The following FADS3 variants were observed in gnomAD, a reference collection of about 807,000 sequenced individuals.
FADS3 encodes fatty acid desaturase 3.
Under a neutral mutation model 60.4 loss-of-function variants are expected in FADS3, and 30 were observed. The ratio of observed to expected loss-of-function variants is 0.50; its 90% CI spans 0.37 to 0.67. The LOEUF (loss-of-function observed/expected upper bound fraction) is 0.67, where lower values mean the gene tolerates loss of function less well. Ranked by LOEUF, FADS3 falls within the 30% of genes least tolerant of loss-of-function variation. The probability of loss-of-function intolerance (pLI) is 0.00; values close to 1 mark genes in which losing one functional copy is unlikely to be tolerated. For synonymous variants in FADS3, 234 were observed against 249.3 expected (o/e 0.94, Z 0.58); for missense variants, 432 against 598.3 (o/e 0.72, Z 2.90).
Position 61,877,283 on chromosome 11 carries a change from CACCCCCCCTGTTCCTCAA to C in FADS3, c.885+210_885+227del. 1 of 357,860 alleles carries C rather than the reference CACCCCCCCTGTTCCTCAA, an allele frequency of 2.8e-6. No individual in the cohort carries two copies. The highest frequency in any genetic ancestry group is 5.0e-6 in the Non-Finnish European group (1 of 199,324). The allele number at this position is 357,860 out of a possible 1,614,324, so 22.2% of individuals were successfully genotyped here. A position where few individuals can be genotyped will look rare whatever the true frequency, so the allele number is the denominator to read the frequency against. Reference sequence around the variant, plus strand: ...AGACACCCTCACCGAGAGAGACCCACACCCCCCCTGTTCCTCAACCCCCCCCCACCACACGTACAGTCA... The same window carrying C: ...AGACACCCTCACCGAGAGAGACCCACCCCCCCCCCACCACACGTACAGTCA... On this transcript the variant is annotated intron_variant, in intron 7 of 11. Coordinates refer to ENST00000278829, the MANE Select transcript of FADS3 (RefSeq NM_021727.5). This position sits in a 1 kb window ranked among gnomAD's most constrained non-coding sequence, Gnocchi z 4.7.
chr11:61,877,729 C>A lies in FADS3; in HGVS notation c.809-142G>T, dbSNP rs534922976. 5 of 734,240 alleles carry A rather than the reference C, an allele frequency of 6.8e-6. No homozygotes were observed. The highest frequency in any genetic ancestry group is 2.7e-5 in the East Asian group (1 of 36,878). 45.5% of individuals were successfully genotyped at this position (734,240 alleles called of 1,614,324 possible). A position where few individuals can be genotyped will look rare whatever the true frequency, so the allele number is the denominator to read the frequency against. On this transcript the variant is annotated intron_variant, in intron 6 of 11. Coordinates refer to ENST00000278829, the MANE Select transcript of FADS3 (RefSeq NM_021727.5). This position sits in a 1 kb window ranked among gnomAD's most constrained non-coding sequence, Gnocchi z 4.7. ...CATCCAGCTGAATGACCCCATATCA[C>A]CCCCAATTCTGTGTCCAAGCCTCCC...
intron 5 of FADS3, 83 bp from the exon 6 acceptor site, chr11:61,878,298 C>G: frequency 6.7e-7 from 1 of 1,497,428 alleles, no homozygotes; most frequent in South Asian, 1.1e-5. Flanking sequence ...CTGGCTGGGG[C>G]CAAGGGTCAA....
At position 61,879,443 on chromosome 11, in the gene FADS3, T is replaced by A; in HGVS notation, c.391A>T (p.Ser131Cys). 6.2e-7 allele frequency: 1 copy of A among 1,606,908 alleles called. No individual in the cohort carries two copies. Among genetic ancestry groups the A allele is most frequent in the Non-Finnish European group, 8.5e-7 (1 of 1,177,446 alleles). The change falls in exon 3 of 12, where the codon AGT becomes TGT. Residue 131 changes from serine (S) to cysteine (C), a missense_variant. Physicochemically the swap from Ser to Cys is moderately radical, Grantham distance 112 (BLOSUM62 -1). Coordinates refer to ENST00000278829, the MANE Select transcript of FADS3 (RefSeq NM_021727.5). Reference protein sequence around the residue: ...AAEDMKLFDASPTFFAFLLGH... With the variant: ...AAEDMKLFDACPTFFAFLLGH... The stretch of plus-strand genomic sequence containing the variant: ...AGTAGGAAAGCAAAGAAGGTGGGAC[T>A]GGCATCAAACAGCTTCATGTCCTCG...
At position 61,891,248 on chromosome 11, in the gene FADS3, A is replaced by G; in HGVS notation, c.134T>C (p.Val45Ala). Residue 45 changes from valine (V) to alanine (A), a missense_variant, in exon 1 of 12, where the codon GTC (valine) becomes GCC (alanine). Coordinates refer to ENST00000278829, the MANE Select transcript of FADS3 (RefSeq NM_021727.5). The stretch of plus-strand genomic sequence containing the variant: ...CTGTGCCCAGCGGCTGATGTCGTAG[A>G]CGCGGCGCTCGATGACCAGCCACTT... ...GDKWLVIERR[V>A]YDISRWAQRH... 6.5e-7 allele frequency: 1 copy of G among 1,545,934 alleles called. No individual in the cohort carries two copies. Among genetic ancestry groups the G allele is most frequent in the Non-Finnish European group, 8.7e-7 (1 of 1,147,860 alleles).
At chr11:61,888,959 G>A (rs745783608) in intron 1 of FADS3, among the ~76,000 whole-genome samples, 16 of 152,172 alleles carry the variant, frequency 1.1e-4, no homozygotes, top group Non-Finnish European at 1.8e-4. Context: ...GCAATGGCGC[G>A]ATCTCGGCTC....
At chr11:61,882,323 CAGCTG>C (rs1938165727) in intron 1 of FADS3, 1 of 151,950 alleles carries the variant, frequency 6.6e-6, no homozygotes, top group African/African-American at 2.4e-5. Context: ...CCATGTTGCC[CAGCTG>C]GTCTTAAACT....
intron 3 of FADS3, 130 bp downstream of exon 3, chr11:61,879,182 T>C: frequency 1.2e-6 from 1 of 844,566 alleles, no homozygotes; most frequent in Non-Finnish European, 1.9e-6. Flanking sequence ...CTCATTCATC[T>C]GTTTATTCAT....
intron 11 of FADS3, among the ~76,000 whole-genome samples, chr11:61,875,421 C>A (rs1244600348): frequency 1.5e-5 from 2 of 136,150 alleles, no homozygotes; most frequent in Non-Finnish European, 3.1e-5. Flanking sequence ...TTAGTAGAGA[C>A]GGGGTTTCAC....
At chr11:61,887,470 C>T (rs1938355880) in intron 1 of FADS3, among the ~76,000 whole-genome samples, 2 of 152,210 alleles carry the variant, frequency 1.3e-5, no homozygotes, top group Non-Finnish European at 1.5e-5. Context: ...GCTGTGCTCT[C>T]TGGGGCTCCC....
chr11:61,875,393 T>G (rs1315900379), intron 11 of FADS3, among the ~76,000 whole-genome samples: 9,427 of 143,328 alleles, frequency 0.066, 1,284 homozygotes, highest in African/African-American at 0.23. Flanking sequence ...TTTTTTTTTT[T>G]TTTTTTTTTT....
rs114568380 is a variant in FADS3, at chr11:61,877,172, C to T, written c.886-209G>A. The T allele has an allele frequency of 2.5e-3, 1,410 of 557,050 alleles. 13 individuals carry two copies. The highest frequency in any genetic ancestry group is 0.022 in the African/African-American group (1,175 of 53,010). The allele number at this position is 557,050 out of a possible 1,614,324, so 34.5% of individuals were successfully genotyped here. On this transcript the variant is annotated intron_variant, in intron 7 of 11. Transcript: ENST00000278829. The surrounding 1 kb of genome is among the most constrained non-coding windows in gnomAD (Gnocchi z 4.7). ...CAGCTCACGAGGCTGATTTTAGTGA[C>T]GAAGGTGTCATGCAGGGTGTGTTGG...
chr11:61,879,897 G>A lies in FADS3; in HGVS notation c.324+144C>T, dbSNP rs1444607215. 10 of 639,090 alleles carry A rather than the reference G, an allele frequency of 1.6e-5. No homozygotes were observed. In the Admixed American group the frequency reaches 2.1e-4, roughly 13 times the overall value. The allele number at this position is 639,090 out of a possible 1,614,324, so 39.6% of individuals were successfully genotyped here. On this transcript the variant is annotated intron_variant, in intron 2 of 11. Coordinates refer to ENST00000278829, the MANE Select transcript of FADS3 (RefSeq NM_021727.5). ...TCACTTTCAACTGCCTGCCCCCTGG[G>A]AGGGGAGGGCAGGCTCAGCCCTGGC...
Position 61,875,895 on chromosome 11 carries a change from G to C in FADS3, c.1242C>G (p.Ser414Arg). The C allele has an allele frequency of 1.2e-6, 2 of 1,613,814 alleles. No homozygotes were observed. Among genetic ancestry groups the C allele is most frequent in the Non-Finnish European group, 1.7e-6 (2 of 1,180,024 alleles). The change falls in exon 11 of 12, where the codon AGC becomes AGG. Residue 414 changes from serine (S) to arginine (R), a missense_variant. Ser to Arg is a moderately radical substitution (Grantham distance 110, BLOSUM62 -1). This residue lies in a region of FADS3 where 63 missense variants were observed against 64.5 expected (regional missense o/e 0.98). Coordinates refer to ENST00000278829, the MANE Select transcript of FADS3 (RefSeq NM_021727.5). Reference protein sequence around the residue: ...VKSLCAKHGLSYEVKPFLTAL... With the variant: ...VKSLCAKHGLRYEVKPFLTAL... ...CGGTGAGGAAGGGCTTCACTTCGTA[G>C]CTGAGGCCGTGCTTGGCACACAGCG...
At chr11:61,884,893 G>T (rs1425465981) in intron 1 of FADS3, among the ~76,000 whole-genome samples, 1 of 152,200 alleles carries the variant, frequency 6.6e-6, no homozygotes, top group Non-Finnish European at 1.5e-5. Flanking sequence ...GACAGGCTCT[G>T]TTCACAGTGG....
chr11:61,888,622 C>T (rs934857494), intron 1 of FADS3, among the ~76,000 whole-genome samples: 3 of 152,196 alleles, frequency 2.0e-5, no homozygotes, highest in Non-Finnish European at 4.4e-5. Flanking sequence ...AAGGGGTAGC[C>T]GTGCAGGGCT....
intron 6 of FADS3, 130 bp downstream of exon 6, chr11:61,878,025 G>A: frequency 1.3e-6 from 1 of 792,084 alleles, no homozygotes; most frequent in Non-Finnish European, 2.2e-6. Flanking sequence ...AGGCTGGGAG[G>A]ATGCCATGAC....
intron 11 of FADS3, among the ~76,000 whole-genome samples, chr11:61,874,225 G>T (rs573513826): frequency 2.6e-5 from 4 of 152,140 alleles, no homozygotes. Context: ...CTGCCCACCC[G>T]ATCTTGGGCC....
In FADS3 at chr11:61,876,813, T is replaced by C; in HGVS notation, c.983+53A>G. The C allele has an allele frequency of 7.3e-7, 1 of 1,362,746 alleles. No homozygotes were observed. Among genetic ancestry groups the C allele is most frequent in the Non-Finnish European group, 1.0e-6 (1 of 971,838 alleles). 84.4% of individuals were successfully genotyped at this position (1,362,746 alleles called of 1,614,324 possible). ...GAAAAGGGAAGCTCTGGTGGGGGGC[T>C]GCAGTGGGGGTCACCTGTCGCCTGT... On this transcript the variant is annotated intron_variant, in intron 8 of 11. Transcript: ENST00000278829. The surrounding 1 kb of genome is among the most constrained non-coding windows in gnomAD (Gnocchi z 5.7).
In FADS3 at chr11:61,876,932, C is replaced by G. The variant is rs759816565; in HGVS notation, c.917G>C (p.Arg306Pro). The change falls in exon 8 of 12, where the codon CGC becomes CCC. Residue 306 changes from arginine to proline, a missense_variant. Transcript: ENST00000278829. This position sits in a 1 kb window ranked among gnomAD's most constrained non-coding sequence, Gnocchi z 5.7. ...DLLWAASFYA[R>P]FFLSYLPFYG... is the part of the protein sequence containing the mutation. ...GAAGGGGAGGTAGGATAAGAAGAAG[C>G]GGGCATAGAAGCTGGCGGCCCAGAG... 7.5e-6 allele frequency: 12 copies of G among 1,608,132 alleles called. No homozygotes were observed. Among genetic ancestry groups the G allele is most frequent in the Non-Finnish European group, 8.5e-6 (10 of 1,178,142 alleles).
Sources: gnomAD v4.1 joint callset for allele counts (sites outside exome capture counted in the v4.1 genomes callset) on GRCh38, gnomAD v4.1.1 for gene constraint, gnomAD v4.1.1 regional missense constraint, Gnocchi (gnomAD v3.1) non-coding constraint, MANE v1.5 for transcripts, NCBI Gene and HGNC (gene_info 2026-07-23, HGNC 2026-07-21) for gene names.